Variants in PCDH15 observed in about 807,000 individuals in gnomAD.
PCDH15 encodes the protein protocadherin-15.
In PCDH15, 129 loss-of-function variants were observed where a neutral mutation model predicts 178.5. The ratio of observed to expected loss-of-function variants is 0.72; its 90% confidence interval spans 0.63 to 0.84. The LOEUF (loss-of-function observed/expected upper bound fraction) is 0.84. Among genes scored for constraint, PCDH15 ranks in the 40% least tolerant of loss-of-function variants. The pLI, the probability that PCDH15 is intolerant of heterozygous loss-of-function variation, is 0.00. For missense variants in PCDH15, 2,230 were observed against 2,099.9 expected (o/e 1.06, Z -1.21); for synonymous variants, 800 against 732.0 (o/e 1.09, Z -1.50).
At chr10:55,079,069 T>G (rs1841976710) in intron 2 of PCDH15, among the ~76,000 whole-genome samples, 1 of 152,182 alleles carries the variant, frequency 6.6e-6, no homozygotes, top group Admixed American at 6.6e-5. Flanking sequence ...AAAATCAATA[T>G]TTAGAATCCT....
intron 3 of PCDH15, among the ~76,000 whole-genome samples, chr10:54,815,791 AGAT>A (rs748460253): frequency 1.2e-4 from 18 of 152,146 alleles, no homozygotes; most frequent in East Asian, 7.7e-4. Context: ...CATTTCAGAC[AGAT>A]GATTCATCTT....
intron 26 of PCDH15, among the ~76,000 whole-genome samples, chr10:53,895,313 C>T (rs2081878180): frequency 6.6e-6 from 1 of 152,194 alleles, no homozygotes; most frequent in Non-Finnish European, 1.5e-5. Context: ...GCTGAAACCT[C>T]TCATCACCAG....
intron 2 of PCDH15, among the ~76,000 whole-genome samples, chr10:55,477,061 AT>A (rs1428419329): frequency 6.6e-6 from 1 of 151,978 alleles, no homozygotes; most frequent in Non-Finnish European, 1.5e-5. Flanking sequence ...TAATACCTTA[AT>A]TATTTGTGTG....
chr10:54,310,352 C>T (rs191591299), intron 8 of PCDH15, among the ~76,000 whole-genome samples: 9 of 152,022 alleles, frequency 5.9e-5, no homozygotes, highest in South Asian at 4.1e-4. Context: ...GGCCGGATGC[C>T]GAGTTTAGAG....
chr10:55,608,306 G>A lies in PCDH15; in HGVS notation c.-156+19319C>T, dbSNP rs1843279204. The stretch of plus-strand genomic sequence containing the variant: ...GAAGGGAAGGGGAAGGGAAGCAGAG[G>A]GAAGGGGAGGGGGAAGAGGGGAGAG... On this transcript the variant is annotated intron_variant, in intron 2 of 5. Coordinates refer to the PCDH15 transcript ENST00000613346. Among the ~76,000 whole-genome samples the A allele has an allele frequency of 1.3e-5, 2 of 151,242 alleles. 1 individual carries two copies. Among genetic ancestry groups the A allele is most frequent in the Non-Finnish European group, 3.0e-5 (2 of 67,788 alleles).
At chr10:53,984,143 C>CTTTTTTTT (rs1564928742) in intron 21 of PCDH15, among the ~76,000 whole-genome samples, 4 of 43,726 alleles carry the variant, frequency 9.1e-5, no homozygotes, top group East Asian at 5.2e-4. Context: ...TTTCTTTTTT[C>CTTTTTTTT]TTTTCTTTTT....
chr10:54,664,134 C>T, intron 2 of PCDH15, 38 bp downstream of exon 2: 2 of 1,462,714 alleles, frequency 1.4e-6, no homozygotes, highest in East Asian at 2.3e-5. Context: ...AATAAAAATC[C>T]TGGCTCGCTC....
Position 55,363,244 on chromosome 10 carries a change from C to T in PCDH15, c.-155-196593G>A, listed in dbSNP as rs185619674. On this transcript the variant is annotated intron_variant, in intron 2 of 5. Transcript: ENST00000613346. The stretch of plus-strand genomic sequence containing the variant: ...TGTATCAATTTTTAATAGCTCTTTC[C>T]ATGTCACTGTTGAGGAGTATTTAAT... Among the ~76,000 whole-genome samples the T allele has an allele frequency of 1.2e-3, 190 of 152,190 alleles. 2 individuals are homozygous for T. The highest frequency in any genetic ancestry group is 6.8e-3 in the Middle Eastern group (2 of 294).
chr10:54,338,814 C>G (rs1216706145), intron 6 of PCDH15, among the ~76,000 whole-genome samples: 1 of 151,946 alleles, frequency 6.6e-6, no homozygotes, highest in Non-Finnish European at 1.5e-5. Flanking sequence ...CTCCTTATCA[C>G]TTTAGGTCAA....
At chr10:55,208,666 C>CT (rs1007722884) in intron 1 of PCDH15, among the ~76,000 whole-genome samples, 1 of 152,016 alleles carries the variant, frequency 6.6e-6, no homozygotes, top group South Asian at 2.1e-4. Context: ...AAATCATACA[C>CT]TTTTTTTGTC....
chr10:55,124,155 C>A (rs952434112), intron 2 of PCDH15, among the ~76,000 whole-genome samples: 2 of 152,056 alleles, frequency 1.3e-5, no homozygotes. Flanking sequence ...TCATAGACAA[C>A]CATTTAGAAA....
At chr10:55,443,691 G>A (rs1004224512) in intron 2 of PCDH15, among the ~76,000 whole-genome samples, 2 of 152,126 alleles carry the variant, frequency 1.3e-5, no homozygotes, top group Non-Finnish European at 2.9e-5. Context: ...TGGTGGGAGT[G>A]TAAATAAGTT....
chr10:54,650,763 A>G (rs1367617782), intron 2 of PCDH15, among the ~76,000 whole-genome samples: 1 of 152,082 alleles, frequency 6.6e-6, no homozygotes, highest in Non-Finnish European at 1.5e-5. Flanking sequence ...GTTTCCCCTT[A>G]CAAAACCATC....
chr10:53,967,869 T>C (rs2089210509), intron 21 of PCDH15, among the ~76,000 whole-genome samples: 1 of 152,230 alleles, frequency 6.6e-6, no homozygotes, highest in Non-Finnish European at 1.5e-5. Flanking sequence ...AAAAGCTATC[T>C]ATTTACAAGT....
intron 2 of PCDH15, among the ~76,000 whole-genome samples, chr10:55,491,530 T>C (rs1273150772): frequency 2.0e-5 from 3 of 151,470 alleles, no homozygotes; most frequent in Admixed American, 6.6e-5. Context: ...TCCAGAAAAA[T>C]GAGTCTGGCC....
At chr10:54,527,928 A>T in intron 2 of PCDH15, 51 bp from the exon 3 acceptor site, 1 of 1,449,528 alleles carries the variant, frequency 6.9e-7, no homozygotes, top group Non-Finnish European at 9.7e-7. Flanking sequence ...GGGCACACAC[A>T]ATGAGAAAAA....
At chr10:53,846,175 T>C (rs1057086734) in intron 28 of PCDH15, among the ~76,000 whole-genome samples, 1 of 151,906 alleles carries the variant, frequency 6.6e-6, no homozygotes, top group African/African-American at 2.4e-5. Flanking sequence ...TCTGATTATG[T>C]CGAGCATTCT....
chr10:54,852,896 A>T (rs1953650135), intron 3 of PCDH15, among the ~76,000 whole-genome samples: 1 of 151,680 alleles, frequency 6.6e-6, no homozygotes, highest in Non-Finnish European at 1.5e-5. Flanking sequence ...AAATTAAAAT[A>T]AAAGTTTATT....
At chr10:54,339,240 G>A (rs968619164) in intron 6 of PCDH15, among the ~76,000 whole-genome samples, 1 of 152,048 alleles carries the variant, frequency 6.6e-6, no homozygotes, top group African/African-American at 2.4e-5. Flanking sequence ...ATTTGTGTGT[G>A]GCCCAAGACA....
Sources: gnomAD v4.1 joint callset for allele counts (sites outside exome capture counted in the v4.1 genomes callset) on GRCh38, gnomAD v4.1.1 for gene constraint, MANE v1.5 for transcripts, NCBI Gene and HGNC (gene_info 2026-07-23, HGNC 2026-07-21) for gene names.